The following LRRC7 variants were observed in gnomAD, a reference collection of about 807,000 sequenced individuals.
The protein encoded by LRRC7 is leucine-rich repeat-containing protein 7.
In LRRC7, 23 loss-of-function variants were observed where a neutral mutation model predicts 175.7. The ratio of observed to expected loss-of-function variants is 0.13; its 90% confidence interval spans 0.09 to 0.19. The LOEUF (loss-of-function observed/expected upper bound fraction) is 0.19. Ranked by LOEUF, LRRC7 falls within the 10% of genes least tolerant of loss-of-function variation. The pLI is 1.00. For synonymous variants in LRRC7, 685 were observed against 680.9 expected (o/e 1.01, Z -0.09); for missense variants, 1,354 against 1,904.7 (o/e 0.71, Z 5.38).
intron 7 of LRRC7, among the ~76,000 whole-genome samples, chr1:69,917,632 G>C (rs1375131275): frequency 6.6e-6 from 1 of 152,114 alleles, no homozygotes; most frequent in Non-Finnish European, 1.5e-5. Context: ...AAACATCTTA[G>C]AGTGCACAAG....
chr1:69,987,690 A>T (rs1323206053), intron 10 of LRRC7, among the ~76,000 whole-genome samples: 1 of 152,214 alleles, frequency 6.6e-6, no homozygotes, highest in East Asian at 1.9e-4. Flanking sequence ...CCAGTTGAAG[A>T]TGAGGCAATT....
At chr1:69,931,431 G>A in intron 7 of LRRC7, 76 bp from the exon 8 acceptor site, 5 of 1,145,426 alleles carry the variant, frequency 4.4e-6, no homozygotes, top group Non-Finnish European at 6.5e-6. Context: ...AATCTGACAG[G>A]AAGGTGGTTG....
intron 7 of LRRC7, among the ~76,000 whole-genome samples, chr1:69,859,965 TCTATTTCTA>T (rs1684183707): frequency 6.6e-6 from 1 of 152,036 alleles, no homozygotes; most frequent in Admixed American, 6.6e-5. Flanking sequence ...ACTGAATATC[TCTATTTCTA>T]CTACAGCCAA....
intron 4 of LRRC7, among the ~76,000 whole-genome samples, chr1:69,819,707 T>C (rs1557770671): frequency 6.6e-6 from 1 of 151,984 alleles, no homozygotes; most frequent in Non-Finnish European, 1.5e-5. Flanking sequence ...CTGTCAATGC[T>C]TGCTTCATAT....
intron 18 of LRRC7, among the ~76,000 whole-genome samples, chr1:70,029,973 T>C (rs1027432969): frequency 6.6e-6 from 1 of 152,176 alleles, no homozygotes; most frequent in East Asian, 1.9e-4. Context: ...TTATCCTCCA[T>C]TTCATTCAAG....
At chr1:70,031,335 T>C (rs1404843011) in intron 18 of LRRC7, 2 of 152,204 alleles carry the variant, frequency 1.3e-5, no homozygotes, top group Non-Finnish European at 2.9e-5. Context: ...AGATATTCAT[T>C]GAAATCAAGG....
intron 23 of LRRC7, among the ~76,000 whole-genome samples, chr1:70,068,543 A>G (rs774356360): frequency 7.2e-5 from 11 of 151,918 alleles, no homozygotes; most frequent in Non-Finnish European, 1.6e-4. Context: ...TTCATGATGG[A>G]TATTGGTTTA....
intron 7 of LRRC7, among the ~76,000 whole-genome samples, chr1:69,903,610 G>A (rs1467174014): frequency 6.6e-6 from 1 of 152,086 alleles, no homozygotes; most frequent in Non-Finnish European, 1.5e-5. Flanking sequence ...AGAGAAGCAA[G>A]AGCAAACAAA....
intron 7 of LRRC7, among the ~76,000 whole-genome samples, chr1:69,861,345 A>G (rs1178505738): frequency 3.8e-4 from 58 of 152,220 alleles, no homozygotes; most frequent in Admixed American, 3.8e-3. Context: ...TTCTTAAACA[A>G]TTCAGCAGAC....
At chr1:69,903,224 A>G (rs1176923494) in intron 7 of LRRC7, among the ~76,000 whole-genome samples, 3 of 152,202 alleles carry the variant, frequency 2.0e-5, no homozygotes, top group African/African-American at 7.2e-5. Flanking sequence ...TGCAGCTCCC[A>G]GAAGAGACCA....
At chr1:69,820,906 T>G (rs1679216010) in intron 4 of LRRC7, among the ~76,000 whole-genome samples, 1 of 152,200 alleles carries the variant, frequency 6.6e-6, no homozygotes, top group Non-Finnish European at 1.5e-5. Context: ...CAAATAGTAT[T>G]TCTAGTTCTA....
chr1:69,996,254 GT>G (rs1654953510), intron 11 of LRRC7, among the ~76,000 whole-genome samples: 1 of 152,020 alleles, frequency 6.6e-6, no homozygotes, highest in South Asian at 2.1e-4. Context: ...GGGGTTGTTT[GT>G]TTTTTTCTAG....
intron 3 of LRRC7, among the ~76,000 whole-genome samples, chr1:69,775,178 C>T (rs1206058862): frequency 1.3e-5 from 2 of 152,026 alleles, no homozygotes; most frequent in Non-Finnish European, 2.9e-5. Flanking sequence ...AAATATATGT[C>T]CAGGGCGCAA....
chr1:70,068,978 T>C (rs1445888255), intron 23 of LRRC7, among the ~76,000 whole-genome samples: 1 of 152,186 alleles, frequency 6.6e-6, no homozygotes, highest in Non-Finnish European at 1.5e-5. Flanking sequence ...AGTGAAACCA[T>C]CTGGGCCTGG....
At chr1:69,736,026 G>C (rs906855592) in intron 2 of LRRC7, among the ~76,000 whole-genome samples, 7 of 151,972 alleles carry the variant, frequency 4.6e-5, no homozygotes, top group Non-Finnish European at 1.0e-4. Context: ...TCAAAATTGT[G>C]GTGCTGAGAA....
At chr1:69,886,431 G>T (rs1687206058) in intron 7 of LRRC7, among the ~76,000 whole-genome samples, 1 of 151,478 alleles carries the variant, frequency 6.6e-6, no homozygotes, top group Non-Finnish European at 1.5e-5. Flanking sequence ...CAGAGACTAG[G>T]ATTGCAAGCC....
At chr1:70,073,671 T>TG (rs200011693) in intron 23 of LRRC7, among the ~76,000 whole-genome samples, 3,848 of 152,322 alleles carry the variant, frequency 0.025, 183 homozygotes, top group African/African-American at 0.089. Flanking sequence ...ATGCTTTGCT[T>TG]ATCTATATGA....
chr1:69,712,992 T>G (rs1304639330), intron 2 of LRRC7, among the ~76,000 whole-genome samples: 1 of 152,146 alleles, frequency 6.6e-6, no homozygotes. Context: ...ATGGCGAATC[T>G]CCCTGAACGT....
At chr1:69,948,668 G>T (rs1649594700) in intron 8 of LRRC7, among the ~76,000 whole-genome samples, 1 of 152,118 alleles carries the variant, frequency 6.6e-6, no homozygotes, top group African/African-American at 2.4e-5. Flanking sequence ...AATCAATGTT[G>T]TGATTGATGT....
Sources: gnomAD v4.1 joint callset for allele counts (sites outside exome capture counted in the v4.1 genomes callset) on GRCh38, gnomAD v4.1.1 for gene constraint, MANE v1.5 for transcripts, NCBI Gene and HGNC (gene_info 2026-07-23, HGNC 2026-07-21) for gene names.